SLIT3: variants seen among roughly 807,000 people sequenced by gnomAD.
The protein encoded by SLIT3 is slit guidance ligand 3.
SLIT3 carries 68 observed loss-of-function variants against 184.0 expected under a neutral mutation model. The observed-to-expected ratio is 0.37, with a 90% CI of 0.30 to 0.45. The LOEUF (loss-of-function observed/expected upper bound fraction) is 0.45, where lower values mean the gene tolerates loss of function less well. Ranked by LOEUF, SLIT3 falls within the 20% of genes least tolerant of loss-of-function variation. The pLI is 1.00. For missense variants in SLIT3, 1,707 were observed against 2,026.0 expected (o/e 0.84, Z 3.02); for synonymous variants, 831 against 828.6 (o/e 1.00, Z -0.05).
At chr5:169,191,456 GA>G (rs1763549074) in intron 4 of SLIT3, among the ~76,000 whole-genome samples, 1 of 152,136 alleles carries the variant, frequency 6.6e-6, no homozygotes, top group Non-Finnish European at 1.5e-5. Flanking sequence ...AAGGAGATCA[GA>G]AACTGAGGTT....
intron 24 of SLIT3, among the ~76,000 whole-genome samples, chr5:168,711,261 C>T (rs561359545): frequency 6.6e-6 from 1 of 152,296 alleles, no homozygotes; most frequent in African/African-American, 2.4e-5. Context: ...CAACTCCCAT[C>T]CCAGCCCCTT....
chr5:168,950,814 T>C (rs919520255), intron 4 of SLIT3, among the ~76,000 whole-genome samples: 4 of 152,236 alleles, frequency 2.6e-5, no homozygotes, highest in African/African-American at 9.6e-5. Context: ...AAAATGGCAG[T>C]TGCAATTGCC....
At chr5:168,857,746 G>A (rs1050689316) in intron 5 of SLIT3, among the ~76,000 whole-genome samples, 4 of 152,222 alleles carry the variant, frequency 2.6e-5, no homozygotes, top group Non-Finnish European at 4.4e-5. Context: ...GACTCTCCAG[G>A]GGGTCGGAGG....
At chr5:168,876,284 G>T (rs1216314167) in intron 5 of SLIT3, among the ~76,000 whole-genome samples, 1 of 152,074 alleles carries the variant, frequency 6.6e-6, no homozygotes, top group Non-Finnish European at 1.5e-5. Context: ...CACAGCTTCA[G>T]TCTCTGCCTC....
chr5:169,108,139 AAGTAGCACCCAGTAGCTACTCAAT>A (rs1365195332), intron 4 of SLIT3, among the ~76,000 whole-genome samples: 5 of 152,212 alleles, frequency 3.3e-5, no homozygotes, highest in Non-Finnish European at 5.9e-5. Context: ...AGCTACTCAA[AAGTAGCACCCAGTAGCTACTCAAT>A]GAACATGCAG....
chr5:168,671,145 C>A, intron 34 of SLIT3, 53 bp downstream of exon 34: 2 of 1,572,514 alleles, frequency 1.3e-6, no homozygotes, highest in Non-Finnish European at 1.7e-6. Flanking sequence ...GGGGTAGGGA[C>A]TGAGGCCATT....
intron 4 of SLIT3, among the ~76,000 whole-genome samples, chr5:168,887,522 AG>A (rs1760265737): frequency 1.3e-5 from 2 of 152,130 alleles, no homozygotes; most frequent in South Asian, 4.2e-4. Context: ...TAACCTCATC[AG>A]TTAGTTGTGA....
At chr5:169,144,808 G>C (rs867993222) in intron 4 of SLIT3, among the ~76,000 whole-genome samples, 5 of 152,194 alleles carry the variant, frequency 3.3e-5, no homozygotes, top group Non-Finnish European at 7.3e-5. Flanking sequence ...AGAAAAAGAC[G>C]GGCTTTGTCC....
chr5:168,979,827 T>G (rs1754890210), intron 4 of SLIT3, among the ~76,000 whole-genome samples: 1 of 152,252 alleles, frequency 6.6e-6, no homozygotes, highest in South Asian at 2.1e-4. Context: ...TTGCCTGCCC[T>G]GAAGGTTTTC....
chr5:169,131,195 T>C (rs1227052703), intron 4 of SLIT3, among the ~76,000 whole-genome samples: 1 of 152,208 alleles, frequency 6.6e-6, no homozygotes, highest in Non-Finnish European at 1.5e-5. Flanking sequence ...CACACAACAA[T>C]GCACAAGTTA....
intron 24 of SLIT3, among the ~76,000 whole-genome samples, chr5:168,711,780 T>C (rs574987809): frequency 6.6e-6 from 1 of 152,196 alleles, no homozygotes. Flanking sequence ...ACTGACCTGA[T>C]AGTCAAACTT....
At chr5:169,249,081 T>C (rs891929783) in intron 2 of SLIT3, among the ~76,000 whole-genome samples, 6 of 152,176 alleles carry the variant, frequency 3.9e-5, no homozygotes, top group Admixed American at 3.9e-4. Context: ...AAAAAAATCT[T>C]TTTAAAAAAG....
chr5:168,746,667 GTGGTGGTA>G (rs1754444064), intron 20 of SLIT3, among the ~76,000 whole-genome samples: 2 of 126,250 alleles, frequency 1.6e-5, no homozygotes, highest in Non-Finnish European at 3.5e-5. Context: ...GTGTGTGAGT[GTGGTGGTA>G]TGGTGGTGTG....
At chr5:168,909,193 T>C (rs142813711) in intron 4 of SLIT3, among the ~76,000 whole-genome samples, 2 of 152,256 alleles carry the variant, frequency 1.3e-5, no homozygotes, top group Non-Finnish European at 2.9e-5. Context: ...CTCTCACACA[T>C]AGTACTGATA....
intron 4 of SLIT3, among the ~76,000 whole-genome samples, chr5:169,143,807 C>T (rs1761830545): frequency 6.6e-6 from 1 of 151,974 alleles, no homozygotes; most frequent in African/African-American, 2.4e-5. Context: ...AAAAAAACAA[C>T]AAAAACAGTA....
At chr5:169,136,914 G>T (rs1374792693) in intron 4 of SLIT3, among the ~76,000 whole-genome samples, 1 of 152,102 alleles carries the variant, frequency 6.6e-6, no homozygotes, top group South Asian at 2.1e-4. Flanking sequence ...TAGAGATGGG[G>T]TCTCCCTATT....
At chr5:168,713,841 C>G (rs1266372063) in intron 23 of SLIT3, among the ~76,000 whole-genome samples, 1 of 152,200 alleles carries the variant, frequency 6.6e-6, no homozygotes, top group Non-Finnish European at 1.5e-5. Flanking sequence ...GAGGTGAGGC[C>G]TGAGATTCTG....
intron 1 of SLIT3, among the ~76,000 whole-genome samples, chr5:169,258,762 T>A (rs1441625923): frequency 6.6e-6 from 1 of 152,222 alleles, no homozygotes; most frequent in Non-Finnish European, 1.5e-5. Flanking sequence ...GGCCTTATCT[T>A]GGCACATGTA....
intron 7 of SLIT3, among the ~76,000 whole-genome samples, chr5:168,820,028 CCTT>C (rs1235062024): frequency 2.0e-5 from 3 of 152,114 alleles, no homozygotes; most frequent in African/African-American, 7.2e-5. Flanking sequence ...TAGATTCTTG[CCTT>C]TCACAACATG....
Sources: allele counts gnomAD v4.1 joint callset (sites outside exome capture counted in the v4.1 genomes callset), GRCh38; gene constraint gnomAD v4.1.1; transcripts MANE v1.5; gene names NCBI Gene and HGNC (gene_info 2026-07-23, HGNC 2026-07-21).